PPP2R3A: variants seen among roughly 807,000 people sequenced by gnomAD.
The protein encoded by PPP2R3A is protein phosphatase 2 regulatory subunit B''alpha, also known as serine/threonine-protein phosphatase 2A regulatory subunit B'' subunit alpha.
PPP2R3A carries 80 observed loss-of-function variants against 106.9 expected under a neutral mutation model. That is an observed-to-expected ratio of 0.75 (90% CI 0.62 to 0.90). The LOEUF (loss-of-function observed/expected upper bound fraction) is 0.90. Among genes scored for constraint, PPP2R3A ranks in the 40% least tolerant of loss-of-function variants. The probability of loss-of-function intolerance (pLI) is 0.00; values close to 1 mark genes in which losing one functional copy is unlikely to be tolerated. For missense variants in PPP2R3A, 1,386 were observed against 1,350.4 expected (o/e 1.03, Z -0.41); for synonymous variants, 483 against 468.3 (o/e 1.03, Z -0.41).
chr3:136,084,254 T>G (rs979252376), intron 8 of PPP2R3A, among the ~76,000 whole-genome samples: 2 of 152,202 alleles, frequency 1.3e-5, no homozygotes, highest in Admixed American at 6.5e-5. Context: ...CCCAGCTGTT[T>G]CAGCTCCAGC....
intron 3 of PPP2R3A, 56 bp from the exon 4 acceptor site, chr3:136,040,803 C>A: frequency 7.0e-7 from 1 of 1,419,342 alleles, no homozygotes; most frequent in African/African-American, 1.5e-5. Flanking sequence ...TTTTCTTTGG[C>A]CGTGTCATCT....
intron 3 of PPP2R3A, among the ~76,000 whole-genome samples, chr3:136,030,788 A>ATATG (rs1559878207): frequency 7.1e-6 from 1 of 141,310 alleles, no homozygotes; most frequent in Non-Finnish European, 1.5e-5. Flanking sequence ...ATATGTATGT[A>ATATG]TGTATGTATG....
chr3:136,095,400 A>G (rs112575945), intron 10 of PPP2R3A, among the ~76,000 whole-genome samples: 5 of 152,216 alleles, frequency 3.3e-5, no homozygotes, highest in African/African-American at 9.6e-5. Context: ...GCCAGTGACT[A>G]GTATTTTATA....
intron 13 of PPP2R3A, among the ~76,000 whole-genome samples, chr3:136,128,739 T>A (rs958526025): frequency 6.6e-6 from 1 of 152,084 alleles, no homozygotes; most frequent in Non-Finnish European, 1.5e-5. Context: ...CACATCACAC[T>A]TATTCCAAAA....
intron 5 of PPP2R3A, among the ~76,000 whole-genome samples, chr3:136,054,223 T>C (rs947022398): frequency 1.3e-5 from 2 of 151,826 alleles, no homozygotes; most frequent in South Asian, 4.1e-4. Flanking sequence ...AATACTACTT[T>C]GCCATGACAG....
intron 11 of PPP2R3A, among the ~76,000 whole-genome samples, chr3:136,102,720 G>A (rs1173973924): frequency 3.9e-5 from 6 of 152,160 alleles, no homozygotes; most frequent in Non-Finnish European, 5.9e-5. Context: ...GTGTATGCCT[G>A]TAGTCCCTGC....
At position 136,001,061 on chromosome 3, in the gene PPP2R3A, T is replaced by G; in HGVS notation, c.-438T>G. 1 of 398,070 alleles carries G rather than the reference T, an allele frequency of 2.5e-6. No homozygotes were observed. The highest frequency in any genetic ancestry group is 4.4e-6 in the Non-Finnish European group (1 of 225,830). 24.7% of individuals were successfully genotyped at this position (398,070 alleles called of 1,614,324 possible). A position where few individuals can be genotyped will look rare whatever the true frequency, so the allele number is the denominator to read the frequency against. The stretch of plus-strand genomic sequence containing the variant: ...TTTAATTTTTTTTTTTATTACAGGT[T>G]TCTCTGTCATTCACAGAAAAATGAA... On this transcript the variant is annotated splice_region_variant and 5_prime_UTR_variant, in exon 2 of 14. Transcript: ENST00000264977.
At chr3:135,983,988 ATTAG>A (rs1388766744) in intron 1 of PPP2R3A, among the ~76,000 whole-genome samples, 2 of 152,170 alleles carry the variant, frequency 1.3e-5, no homozygotes, top group Non-Finnish European at 2.9e-5. Flanking sequence ...GTCACAGTTT[ATTAG>A]TTTTCAAACT....
At chr3:136,121,413 T>C (rs1362976032) in intron 13 of PPP2R3A, among the ~76,000 whole-genome samples, 1 of 152,046 alleles carries the variant, frequency 6.6e-6, no homozygotes. Flanking sequence ...AAGGGAACAG[T>C]AGACACCAGG....
intron 3 of PPP2R3A, among the ~76,000 whole-genome samples, chr3:136,032,526 ATTTAT>A (rs1192019049): frequency 7.0e-6 from 1 of 143,282 alleles, no homozygotes; most frequent in Non-Finnish European, 1.6e-5. Flanking sequence ...TAATTTATTT[ATTTAT>A]TTTTTTTTTT....
chr3:136,139,377 T>C (rs921413956), intron 13 of PPP2R3A, among the ~76,000 whole-genome samples: 3 of 152,152 alleles, frequency 2.0e-5, no homozygotes, highest in Non-Finnish European at 2.9e-5. Context: ...CCATATCCCC[T>C]CATGCTAACA....
At position 136,147,711 on chromosome 3, in the gene PPP2R3A, C is replaced by T. The variant is rs932310198; in HGVS notation, c.*2545C>T. 3 of 152,184 alleles carry T rather than the reference C, an allele frequency of 2.0e-5. No homozygotes were observed. Among genetic ancestry groups the T allele is most frequent in the African/African-American group, 7.2e-5 (3 of 41,426 alleles). The allele number at this position is 152,184 out of a possible 1,614,324, so 9.4% of individuals were successfully genotyped here. A position where few individuals can be genotyped will look rare whatever the true frequency, so the allele number is the denominator to read the frequency against. Reference sequence around the variant, plus strand: ...GCATAACATTACCAAGGTAATCAAACTAATAAAATTCCATATATCTTCCCT... The same window carrying T: ...GCATAACATTACCAAGGTAATCAAATTAATAAAATTCCATATATCTTCCCT... On this transcript the variant is annotated 3_prime_UTR_variant, in exon 14 of 14. Transcript: ENST00000264977.
intron 9 of PPP2R3A, among the ~76,000 whole-genome samples, chr3:136,088,473 A>G (rs1937014597): frequency 1.3e-5 from 2 of 152,212 alleles, no homozygotes; most frequent in African/African-American, 4.8e-5. Flanking sequence ...TATATGTACC[A>G]CATTTTCTTT....
At chr3:136,099,609 A>AC in intron 10 of PPP2R3A, among the ~76,000 whole-genome samples, 1 of 151,724 alleles carries the variant, frequency 6.6e-6, no homozygotes, top group South Asian at 2.1e-4. Flanking sequence ...CCAGAAAGAA[A>AC]CCCCCTCCCC....
chr3:136,079,310 G>A, intron 7 of PPP2R3A: 1 of 307,666 alleles, frequency 3.3e-6, no homozygotes, highest in Non-Finnish European at 6.7e-6. Flanking sequence ...TAAAATGGCA[G>A]TAATTCCATA....
At chr3:136,125,738 C>T (rs1204754089) in intron 13 of PPP2R3A, among the ~76,000 whole-genome samples, 4 of 151,990 alleles carry the variant, frequency 2.6e-5, no homozygotes, top group Non-Finnish European at 5.9e-5. Context: ...TATAAAACTT[C>T]TTATAAAATA....
chr3:136,078,902 G>C (rs149078775), intron 7 of PPP2R3A, among the ~76,000 whole-genome samples: 95 of 152,260 alleles, frequency 6.2e-4, no homozygotes, highest in African/African-American at 2.2e-3. Context: ...TTTTAAGAAA[G>C]AATACATTTC....
At chr3:135,994,014 A>G (rs1933282856) in intron 1 of PPP2R3A, among the ~76,000 whole-genome samples, 1 of 152,164 alleles carries the variant, frequency 6.6e-6, no homozygotes, top group African/African-American at 2.4e-5. Flanking sequence ...CAGTGGTTAC[A>G]TGGTTCTTGT....
intron 4 of PPP2R3A, among the ~76,000 whole-genome samples, chr3:136,043,466 A>T (rs1245010766): frequency 2.6e-5 from 4 of 152,190 alleles, no homozygotes; most frequent in African/African-American, 9.7e-5. Context: ...CTCAAAAAAA[A>T]ACAGAATATA....
Sources: allele counts gnomAD v4.1 joint callset (sites outside exome capture counted in the v4.1 genomes callset), GRCh38; gene constraint gnomAD v4.1.1; transcripts MANE v1.5; gene names NCBI Gene and HGNC (gene_info 2026-07-23, HGNC 2026-07-21).